CHN2: variants seen among roughly 807,000 people sequenced by gnomAD.
The protein encoded by CHN2 is beta-chimaerin.
In CHN2, 35 loss-of-function variants were observed where a neutral mutation model predicts 56.3. The observed-to-expected ratio is 0.62, with a 90% confidence interval of 0.47 to 0.82. The LOEUF (loss-of-function observed/expected upper bound fraction) is 0.82. Ranked by LOEUF, CHN2 falls within the 40% of genes least tolerant of loss-of-function variation. The probability of loss-of-function intolerance (pLI) is 0.00; values close to 1 mark genes in which losing one functional copy is unlikely to be tolerated. For synonymous variants in CHN2, 210 were observed against 212.8 expected, an observed-to-expected ratio of 0.99 and a Z score of 0.12; for missense variants, 491 against 580.5, an observed-to-expected ratio of 0.85 and a Z score of 1.58.
chr7:29,473,366 A>T lies in CHN2; in HGVS notation c.577-6913A>T, dbSNP rs537228241. Among the ~76,000 whole-genome samples, 127 of 151,968 alleles carry T rather than the reference A, an allele frequency of 8.4e-4. 1 individual carries two copies. Among genetic ancestry groups the T allele is most frequent in the African/African-American group, 3.0e-3 (124 of 41,424 alleles). ...GTCTCAATTCTAAGAGCACATTACA[A>T]TCCCCTGGAGGATTTTTACAGCCCA... is the stretch of plus-strand genomic sequence containing the variant. On this transcript the variant is annotated intron_variant, in intron 6 of 12. Transcript: ENST00000222792.
At chr7:29,329,209 A>T (rs1293176709) in intron 1 of CHN2, among the ~76,000 whole-genome samples, 4 of 151,974 alleles carry the variant, frequency 2.6e-5, no homozygotes, top group African/African-American at 9.7e-5. Flanking sequence ...CATTAGCCCA[A>T]CCCAAGAATG....
rs533771826 is a variant in CHN2 at position 29,458,396 on chromosome 7, C to T, written c.577-21883C>T. ...AGCTGTGCACACACACACACACACA[C>T]ACACACACACACACACACACACCCC... On this transcript the variant is annotated intron_variant, in intron 6 of 12. Coordinates refer to ENST00000222792, the MANE Select transcript of CHN2 (RefSeq NM_004067.4). Among the ~76,000 whole-genome samples the T allele has an allele frequency of 1.4e-3, 217 of 151,832 alleles. 1 individual carries two copies. The highest frequency in any genetic ancestry group is 5.6e-3 in the South Asian group (27 of 4,780).
intron 2 of CHN2, among the ~76,000 whole-genome samples, chr7:29,165,170 T>A (rs2128716938): frequency 6.6e-6 from 1 of 152,268 alleles, no homozygotes; most frequent in African/African-American, 2.4e-5. Context: ...ATAATATAGT[T>A]TTTGATTTAT....
At chr7:29,156,612 G>A (rs907961483) in intron 2 of CHN2, among the ~76,000 whole-genome samples, 1 of 152,314 alleles carries the variant, frequency 6.6e-6, no homozygotes, top group African/African-American at 2.4e-5. Context: ...GGGAAACTTT[G>A]TGGGTTTTTT....
intron 1 of CHN2, among the ~76,000 whole-genome samples, chr7:29,232,214 AT>A (rs535609107): frequency 1.2e-4 from 18 of 151,458 alleles, no homozygotes; most frequent in African/African-American, 4.1e-4. Flanking sequence ...CCCTGCTGTC[AT>A]TTTTTTTTAT....
chr7:29,467,830 A>T (rs1045564137), intron 6 of CHN2, among the ~76,000 whole-genome samples: 6 of 152,198 alleles, frequency 3.9e-5, no homozygotes, highest in Admixed American at 2.6e-4. Context: ...GTGCAGATAA[A>T]TGAGAAAATG....
intron 6 of CHN2, among the ~76,000 whole-genome samples, chr7:29,440,797 C>A (rs989831676): frequency 6.6e-6 from 1 of 151,898 alleles, no homozygotes; most frequent in East Asian, 1.9e-4. Context: ...TATCCAAACC[C>A]GTCATCAAAA....
intron 7 of CHN2, among the ~76,000 whole-genome samples, chr7:29,490,793 G>C (rs896619898): frequency 6.6e-6 from 1 of 152,136 alleles, no homozygotes; most frequent in Admixed American, 6.6e-5. Flanking sequence ...ATTATATTCA[G>C]AATATGGTAT....
intron 1 of CHN2, among the ~76,000 whole-genome samples, chr7:29,321,713 G>A (rs1231297310): frequency 6.6e-6 from 1 of 151,900 alleles, no homozygotes; most frequent in African/African-American, 2.4e-5. Flanking sequence ...TGGGATTACA[G>A]GCATGCACCA....
intron 2 of CHN2, among the ~76,000 whole-genome samples, chr7:29,154,229 G>C (rs1419468044): frequency 2.0e-5 from 3 of 152,172 alleles, no homozygotes; most frequent in Non-Finnish European, 4.4e-5. Flanking sequence ...GCAGACAGAG[G>C]AGGGGCCCCA....
chr7:29,314,998 A>G lies in CHN2; in HGVS notation c.50-39627A>G, dbSNP rs182472713. Among the ~76,000 whole-genome samples the G allele has an allele frequency of 2.2e-3, 342 of 152,276 alleles. 1 individual carries two copies. The highest frequency in any genetic ancestry group is 7.9e-3 in the African/African-American group (327 of 41,562). ...AGAACTAATTACACTGTAAAATATCAGCATCCTCAATGTAGAAGAGTTAAC... is the reference window on the plus strand; with the variant it reads ...AGAACTAATTACACTGTAAAATATCGGCATCCTCAATGTAGAAGAGTTAAC... On this transcript the variant is annotated intron_variant, in intron 1 of 12. Coordinates refer to ENST00000222792, the MANE Select transcript of CHN2 (RefSeq NM_004067.4).
rs559843968 is a variant in CHN2 at position 29,513,594 on chromosome 7, G to C, written c.*859G>C. 1 of 140,176 alleles carries C rather than the reference G, an allele frequency of 7.1e-6. No individual in the cohort carries two copies. Among genetic ancestry groups the C allele is most frequent in the East Asian group, 2.2e-4 (1 of 4,602 alleles). The allele number at this position is 140,176 out of a possible 1,614,324, so 8.7% of individuals were successfully genotyped here. A position where few individuals can be genotyped will look rare whatever the true frequency, so the allele number is the denominator to read the frequency against. ...TTATTTGAGAACACTGGATGTATCT[G>C]GTCTGTGTAAAAAGTTAGCACTTAC... On this transcript the variant is annotated 3_prime_UTR_variant, in exon 13 of 13. Coordinates refer to ENST00000222792, the MANE Select transcript of CHN2 (RefSeq NM_004067.4).
intron 1 of CHN2, among the ~76,000 whole-genome samples, chr7:29,291,068 G>A (rs1219972397): frequency 6.6e-6 from 1 of 152,130 alleles, no homozygotes; most frequent in Non-Finnish European, 1.5e-5. Flanking sequence ...CACTTGGGAG[G>A]GGCCACAGGT....
intron 1 of CHN2, among the ~76,000 whole-genome samples, chr7:29,225,877 T>C (rs1490235289): frequency 1.3e-5 from 2 of 152,178 alleles, no homozygotes; most frequent in East Asian, 3.8e-4. Flanking sequence ...AGACATGTCC[T>C]ACAAGGCATG....
intron 1 of CHN2, among the ~76,000 whole-genome samples, chr7:29,254,605 G>C (rs554732411): frequency 6.6e-6 from 1 of 152,170 alleles, no homozygotes; most frequent in East Asian, 1.9e-4. Flanking sequence ...AGAGAACCAC[G>C]ACTGCTCCAG....
chr7:29,287,952 C>T (rs1040168693), intron 1 of CHN2, among the ~76,000 whole-genome samples: 1 of 152,104 alleles, frequency 6.6e-6, no homozygotes, highest in Non-Finnish European at 1.5e-5. Context: ...CTGCATGTCA[C>T]AATTATTTAA....
At chr7:29,347,311 C>T (rs769482914) in intron 1 of CHN2, among the ~76,000 whole-genome samples, 1 of 152,164 alleles carries the variant, frequency 6.6e-6, no homozygotes, top group African/African-American at 2.4e-5. Flanking sequence ...CTATACTGCA[C>T]CTGTATCAGT....
At position 29,400,437 on chromosome 7, in the gene CHN2, T is replaced by G. The variant is rs548956969; in HGVS notation, c.291-106T>G. 97 of 1,113,678 alleles carry G rather than the reference T, an allele frequency of 8.7e-5. No individual in the cohort carries two copies. In the African/African-American group the frequency reaches 1.4e-3, roughly 16 times the overall value. The allele number at this position is 1,113,678 out of a possible 1,614,324, so 69.0% of individuals were successfully genotyped here. ...AAATCACATCAAGTGCTTAGCCCTGTGCCTGGGATACACTAAGTATTCAAA... is the reference window on the plus strand; with the variant it reads ...AAATCACATCAAGTGCTTAGCCCTGGGCCTGGGATACACTAAGTATTCAAA... On this transcript the variant is annotated intron_variant, in intron 5 of 12. Transcript: ENST00000222792.
intron 1 of CHN2, among the ~76,000 whole-genome samples, chr7:29,315,043 C>T (rs1455969071): frequency 1.3e-5 from 2 of 151,846 alleles, no homozygotes; most frequent in Non-Finnish European, 2.9e-5. Flanking sequence ...ATTTAGTATT[C>T]AATTATGAAA....
Sources: gnomAD v4.1 joint callset for allele counts (sites outside exome capture counted in the v4.1 genomes callset) on GRCh38, gnomAD v4.1.1 for gene constraint, MANE v1.5 for transcripts, NCBI Gene and HGNC (gene_info 2026-07-23, HGNC 2026-07-21) for gene names.